The following CAMTA1 variants were observed in gnomAD, a reference collection of about 807,000 sequenced individuals.
CAMTA1 encodes the protein calmodulin-binding transcription activator 1.
Under a neutral mutation model 170.9 loss-of-function variants are expected in CAMTA1, and 27 were observed. The observed-to-expected ratio is 0.16, with a 90% CI of 0.12 to 0.22. CAMTA1 has a LOEUF of 0.22. CAMTA1 is among the 10% of genes least tolerant of loss of function. The pLI is 1.00. For synonymous variants in CAMTA1, 833 were observed against 891.5 expected (o/e 0.93, Z 1.17); for missense variants, 1,619 against 2,217.2 (o/e 0.73, Z 5.42).
chr1:7,239,833 G>A (rs999536673), intron 4 of CAMTA1, among the ~76,000 whole-genome samples: 5 of 151,860 alleles, frequency 3.3e-5, no homozygotes, highest in Admixed American at 2.0e-4. Context: ...ACATCATCGC[G>A]TGGTGGAAGG....
chr1:7,512,416 C>T (rs1032310970), intron 6 of CAMTA1, among the ~76,000 whole-genome samples: 2 of 152,178 alleles, frequency 1.3e-5, no homozygotes, highest in African/African-American at 4.8e-5. Context: ...GCAAATTAGT[C>T]AGGTTTGCGG....
intron 6 of CAMTA1, among the ~76,000 whole-genome samples, chr1:7,498,626 G>GT (rs2093886043): frequency 6.6e-6 from 1 of 151,348 alleles, no homozygotes; most frequent in Non-Finnish European, 1.5e-5. Context: ...TGCAGTGTGT[G>GT]TATGAGTGTG....
chr1:6,826,702 T>C (rs1647160640), intron 3 of CAMTA1, among the ~76,000 whole-genome samples: 1 of 152,242 alleles, frequency 6.6e-6, no homozygotes, highest in African/African-American at 2.4e-5. Context: ...AATTGGCAGC[T>C]TATTTATTTT....
Position 6,820,211 on chromosome 1 carries a change from A to G in CAMTA1, c.76A>G (p.Ser26Gly), listed in dbSNP as rs764825638. 26 of 1,612,082 alleles carry G rather than the reference A, an allele frequency of 1.6e-5. No individual in the cohort carries two copies. In the East Asian group the frequency reaches 5.6e-4, roughly 35 times the overall value. The change falls in exon 2 of 23, where the codon AGC becomes GGC. Residue 26 changes from serine to glycine, a missense_variant. Around this residue, in one of 8 missense-constraint regions of CAMTA1, gnomAD observed 61 missense variants for 57.7 expected, o/e 1.06. Coordinates refer to ENST00000303635, the MANE Select transcript of CAMTA1 (RefSeq NM_015215.4). ...TTCCCAAAGTGTATTCTGCGGAACT[A>G]GCACCTACTGTGTTCTCAACACCGT... ...SVSQSVFCGTSTYCVLNTVPP... is the reference protein window; with the variant it reads ...SVSQSVFCGTGTYCVLNTVPP...
chr1:7,409,633 G>A (rs1354835826), intron 5 of CAMTA1, among the ~76,000 whole-genome samples: 1 of 152,218 alleles, frequency 6.6e-6, no homozygotes, highest in Non-Finnish European at 1.5e-5. Flanking sequence ...AGCTGCCCAC[G>A]GGGTAGGAGG....
At chr1:6,802,047 A>G (rs1643909913) in intron 1 of CAMTA1, among the ~76,000 whole-genome samples, 1 of 152,244 alleles carries the variant, frequency 6.6e-6, no homozygotes, top group Non-Finnish European at 1.5e-5. Flanking sequence ...TGCAAGTCCC[A>G]TGAGCCACAC....
chr1:7,470,998 T>C (rs867139744), intron 6 of CAMTA1, among the ~76,000 whole-genome samples: 3 of 152,276 alleles, frequency 2.0e-5, no homozygotes, highest in Admixed American at 6.5e-5. Flanking sequence ...GGGAGAGCCA[T>C]GTTCTGCTGT....
intron 5 of CAMTA1, among the ~76,000 whole-genome samples, chr1:7,322,907 CTCCTT>C (rs372261173): frequency 6.3e-4 from 96 of 151,574 alleles, no homozygotes; most frequent in African/African-American, 1.5e-3. Context: ...TTCAGCTCCT[CTCCTT>C]TCCTTTCCTT....
At chr1:7,281,183 G>A (rs953182167) in intron 5 of CAMTA1, among the ~76,000 whole-genome samples, 9 of 152,210 alleles carry the variant, frequency 5.9e-5, no homozygotes, top group African/African-American at 2.2e-4. Flanking sequence ...AAAGACATTC[G>A]TTCAGTTTGA....
At chr1:7,082,102 C>G (rs1043633434) in intron 3 of CAMTA1, among the ~76,000 whole-genome samples, 1 of 152,126 alleles carries the variant, frequency 6.6e-6, no homozygotes, top group Non-Finnish European at 1.5e-5. Context: ...CTCCAATCAG[C>G]GGCCTCTTCT....
At chr1:6,952,456 AGAG>A (rs1688674395) in intron 3 of CAMTA1, among the ~76,000 whole-genome samples, 1 of 142,710 alleles carries the variant, frequency 7.0e-6, no homozygotes, top group African/African-American at 2.5e-5. Context: ...AAAAAAAAAA[AGAG>A]ATAACATAGT....
chr1:6,989,843 T>C (rs1451404107), intron 3 of CAMTA1, among the ~76,000 whole-genome samples: 2 of 151,930 alleles, frequency 1.3e-5, no homozygotes, highest in African/African-American at 4.9e-5. Context: ...ATTTCTTGGA[T>C]TTATTTTGCC....
chr1:7,215,219 C>T lies in CAMTA1; in HGVS notation c.303-34272C>T, dbSNP rs1000162981. 2.0e-5 allele frequency among the ~76,000 whole-genome samples: 3 copies of T among 152,088 alleles called. No individual in the cohort carries two copies. In the East Asian group the frequency reaches 5.8e-4, roughly 29 times the overall value. On this transcript the variant is annotated intron_variant, in intron 4 of 22. Transcript: ENST00000303635. ...ATTTGACCCACCTCATTTATTTCTA[C>T]ATCTAACTTTATTTTCCCCTTTCTT...
At chr1:7,698,295 C>A (rs1213957027) in intron 11 of CAMTA1, 1 of 152,168 alleles carries the variant, frequency 6.6e-6, no homozygotes, top group Non-Finnish European at 1.5e-5. Flanking sequence ...AAATCACACA[C>A]AAAAAAATTT....
rs372358754 is a variant in CAMTA1 at position 7,741,541 on chromosome 1, G to A, written c.4182+3059G>A. Among the ~76,000 whole-genome samples, 8 of 151,316 alleles carry A rather than the reference G, an allele frequency of 5.3e-5. No homozygotes were observed. In the South Asian group the frequency reaches 1.0e-3, roughly 20 times the overall value. On this transcript the variant is annotated intron_variant, in intron 16 of 22. Coordinates refer to ENST00000303635, the MANE Select transcript of CAMTA1 (RefSeq NM_015215.4). ...CGCACCACTGCACTCCAGCCTGGGCGACAGAGCGAGACTCTCTCTCAAAAA... is the reference window on the plus strand; with the variant it reads ...CGCACCACTGCACTCCAGCCTGGGCAACAGAGCGAGACTCTCTCTCAAAAA...
rs565352627 is a variant in CAMTA1, at chr1:6,967,415, AC to A, written c.235-123887del. On this transcript the variant is annotated intron_variant, in intron 3 of 22. Transcript: ENST00000303635. Reference sequence around the variant, plus strand: ...GGAAAACATAGAGCCCATGCTTTGCACCTCCCAGCTCCCCACCCGCGAATGT... The same window carrying A: ...GGAAAACATAGAGCCCATGCTTTGCACTCCCAGCTCCCCACCCGCGAATGT... Among the ~76,000 whole-genome samples the A allele has an allele frequency of 9.5e-4, 145 of 151,900 alleles. 1 individual carries two copies. Among genetic ancestry groups the A allele is most frequent in the African/African-American group, 3.3e-3 (137 of 41,396 alleles).
chr1:7,386,348 G>A (rs1240684075), intron 5 of CAMTA1, among the ~76,000 whole-genome samples: 1 of 152,324 alleles, frequency 6.6e-6, no homozygotes, highest in East Asian at 1.9e-4. Context: ...GCTGTACAGC[G>A]AGAGAGAGAT....
intron 5 of CAMTA1, among the ~76,000 whole-genome samples, chr1:7,414,515 A>G (rs2091018977): frequency 6.6e-6 from 1 of 152,034 alleles, no homozygotes; most frequent in Non-Finnish European, 1.5e-5. Flanking sequence ...GAATTTATCC[A>G]TTTCTTCTAG....
chr1:7,112,168 C>T (rs185398925), intron 4 of CAMTA1, among the ~76,000 whole-genome samples: 8 of 152,090 alleles, frequency 5.3e-5, no homozygotes, highest in East Asian at 1.9e-4. Context: ...GTTGCAGGAC[C>T]GCTGCGTAGA....
Sources: gnomAD v4.1 joint callset for allele counts (sites outside exome capture counted in the v4.1 genomes callset) on GRCh38, gnomAD v4.1.1 for gene constraint, gnomAD v4.1.1 regional missense constraint, MANE v1.5 for transcripts, NCBI Gene and HGNC (gene_info 2026-07-23, HGNC 2026-07-21) for gene names.